The following SPIDR variants were observed in gnomAD, a reference collection of about 807,000 sequenced individuals.
SPIDR encodes the protein scaffold protein involved in DNA repair.
SPIDR carries 93 observed loss-of-function variants against 104.6 expected under a neutral mutation model. The ratio of observed to expected loss-of-function variants is 0.89; its 90% confidence interval spans 0.75 to 1.06. The LOEUF is 1.06. SPIDR is among the 50% of genes least tolerant of loss of function. The pLI, the probability that SPIDR is intolerant of heterozygous loss-of-function variation, is 0.00. For synonymous variants in SPIDR, 431 were observed against 416.9 expected, an observed-to-expected ratio of 1.03 and a Z score of -0.41; for missense variants, 1,154 against 1,111.2, an observed-to-expected ratio of 1.04 and a Z score of -0.55.
intron 8 of SPIDR, among the ~76,000 whole-genome samples, chr8:47,445,011 G>C (rs966928433): frequency 6.6e-6 from 1 of 152,132 alleles, no homozygotes; most frequent in Non-Finnish European, 1.5e-5. Flanking sequence ...TATGTGTTTC[G>C]TTTTTGCTGT....
At chr8:47,319,838 G>C (rs1161000965) in intron 5 of SPIDR, among the ~76,000 whole-genome samples, 1 of 152,044 alleles carries the variant, frequency 6.6e-6, no homozygotes, top group African/African-American at 2.4e-5. Flanking sequence ...ACCTGCTCCT[G>C]AATGACTACT....
At chr8:47,421,215 G>A (rs1554680179) in intron 7 of SPIDR, among the ~76,000 whole-genome samples, 1 of 152,184 alleles carries the variant, frequency 6.6e-6, no homozygotes, top group Non-Finnish European at 1.5e-5. Context: ...TTTCCAACTT[G>A]GTTCCATTCT....
At chr8:47,591,989 G>T (rs1222494134) in intron 8 of SPIDR, among the ~76,000 whole-genome samples, 1 of 152,146 alleles carries the variant, frequency 6.6e-6, no homozygotes, top group Non-Finnish European at 1.5e-5. Context: ...ACAAGACATA[G>T]ATTTGCTAAT....
chr8:47,550,754 C>A (rs546925087), intron 8 of SPIDR, among the ~76,000 whole-genome samples: 4 of 152,114 alleles, frequency 2.6e-5, no homozygotes, highest in Non-Finnish European at 5.9e-5. Flanking sequence ...ATTGAATACC[C>A]TTTATTTCTT....
intron 1 of SPIDR, among the ~76,000 whole-genome samples, chr8:47,278,096 C>CTTTTTTTTTTTTT (rs71225674): frequency 7.3e-6 from 1 of 137,268 alleles, no homozygotes; most frequent in African/African-American, 2.7e-5. Flanking sequence ...TTTTCTTTCT[C>CTTTTTTTTTTTTT]TTTTTTTTTT....
At chr8:47,316,362 A>G (rs192448519) in intron 5 of SPIDR, among the ~76,000 whole-genome samples, 32 of 152,306 alleles carry the variant, frequency 2.1e-4, no homozygotes, top group African/African-American at 6.7e-4. Context: ...TGACTTAGCA[A>G]TTCTACTCCT....
intron 5 of SPIDR, among the ~76,000 whole-genome samples, chr8:47,295,582 G>C (rs1178889044): frequency 2.0e-5 from 3 of 152,092 alleles, no homozygotes; most frequent in Non-Finnish European, 4.4e-5. Flanking sequence ...TGGCTTATCT[G>C]AGTTAACGTA....
chr8:47,597,534 G>T (rs1392423743), intron 9 of SPIDR, among the ~76,000 whole-genome samples: 1 of 152,174 alleles, frequency 6.6e-6, no homozygotes, highest in East Asian at 1.9e-4. Context: ...GGTCAAACAT[G>T]CTGTCCATTG....
At chr8:47,443,641 TC>T (rs1246825130) in intron 8 of SPIDR, among the ~76,000 whole-genome samples, 1 of 148,086 alleles carries the variant, frequency 6.8e-6, no homozygotes, top group Non-Finnish European at 1.5e-5. Context: ...AAAGGACTAG[TC>T]TTTTTTTTTT....
chr8:47,290,120 A>G (rs1048607840), intron 3 of SPIDR, among the ~76,000 whole-genome samples: 1 of 151,848 alleles, frequency 6.6e-6, no homozygotes, highest in East Asian at 1.9e-4. Context: ...GCTCACTGCA[A>G]CCTCTGCCTC....
At chr8:47,390,203 C>T (rs1046763526) in intron 5 of SPIDR, among the ~76,000 whole-genome samples, 7 of 152,108 alleles carry the variant, frequency 4.6e-5, no homozygotes, top group Non-Finnish European at 1.5e-5. Flanking sequence ...CTCTACAGAG[C>T]CATCTCCCAG....
chr8:47,456,405 T>C (rs1215729918), intron 8 of SPIDR, among the ~76,000 whole-genome samples: 1 of 152,162 alleles, frequency 6.6e-6, no homozygotes, highest in Non-Finnish European at 1.5e-5. Context: ...TTTGGCTAAG[T>C]CACTCAGACT....
At chr8:47,425,916 A>G (rs1238457079) in intron 7 of SPIDR, among the ~76,000 whole-genome samples, 1 of 152,174 alleles carries the variant, frequency 6.6e-6, no homozygotes, top group African/African-American at 2.4e-5. Context: ...AACAAGTGTT[A>G]TATAGAAGGT....
At chr8:47,732,519 A>G (rs1414707728) in intron 19 of SPIDR, 2 of 327,022 alleles carry the variant, frequency 6.1e-6, no homozygotes, top group East Asian at 1.3e-4. Flanking sequence ...CTGTGGGGTA[A>G]GTTCCAAGCC....
At chr8:47,445,846 C>CCAGAG (rs1220640411) in intron 8 of SPIDR, among the ~76,000 whole-genome samples, 1 of 152,188 alleles carries the variant, frequency 6.6e-6, no homozygotes, top group African/African-American at 2.4e-5. Context: ...CAAGCCTAAT[C>CCAGAG]CAGAGCGAAA....
intron 8 of SPIDR, among the ~76,000 whole-genome samples, chr8:47,485,982 G>A (rs782103714): frequency 2.6e-5 from 4 of 152,172 alleles, no homozygotes; most frequent in East Asian, 3.9e-4. Flanking sequence ...CGCCAGCAAC[G>A]GAACAAAGCT....
intron 8 of SPIDR, among the ~76,000 whole-genome samples, chr8:47,550,373 C>T (rs1033307018): frequency 1.1e-4 from 16 of 152,234 alleles, no homozygotes; most frequent in African/African-American, 3.4e-4. Context: ...GCCATTTTCA[C>T]GATATTGATT....
At chr8:47,302,602 G>A (rs1236789537) in intron 5 of SPIDR, among the ~76,000 whole-genome samples, 1 of 152,108 alleles carries the variant, frequency 6.6e-6, no homozygotes, top group Non-Finnish European at 1.5e-5. Context: ...TTTGATGATG[G>A]TGACGTACAG....
chr8:47,451,581 AACACACACACACAC>A (rs56269650), intron 8 of SPIDR, among the ~76,000 whole-genome samples: 24 of 148,136 alleles, frequency 1.6e-4, no homozygotes, highest in African/African-American at 4.5e-4. Flanking sequence ...ACCCTGCCAA[AACACACACACACAC>A]ACACACACAC....
Sources: gnomAD v4.1 joint callset for allele counts (sites outside exome capture counted in the v4.1 genomes callset) on GRCh38, gnomAD v4.1.1 for gene constraint, MANE v1.5 for transcripts, NCBI Gene and HGNC (gene_info 2026-07-23, HGNC 2026-07-21) for gene names.